Variants in AEBP2 observed in about 807,000 individuals in gnomAD.
AEBP2 encodes zinc finger protein AEBP2.
Under a neutral mutation model 50.8 loss-of-function variants are expected in AEBP2, and 10 were observed. That is an observed-to-expected ratio of 0.20 (90% CI 0.12 to 0.33). The LOEUF (loss-of-function observed/expected upper bound fraction) is 0.33. Among genes scored for constraint, AEBP2 ranks in the 10% least tolerant of loss-of-function variants. The pLI, the probability that AEBP2 is intolerant of heterozygous loss-of-function variation, is 1.00. For synonymous variants in AEBP2, 296 were observed against 261.3 expected, an observed-to-expected ratio of 1.13 and a Z score of -1.28; for missense variants, 570 against 688.0, an observed-to-expected ratio of 0.83 and a Z score of 1.92.
At chr12:19,513,945 CTTT>C (rs558871495) in intron 6 of AEBP2, among the ~76,000 whole-genome samples, 1 of 70,414 alleles carries the variant, frequency 1.4e-5, no homozygotes, top group Admixed American at 1.5e-4. Context: ...TTATTTATTT[CTTT>C]TTTTTTTTTT....
chr12:19,470,185 G>GT (rs1948548740), intron 2 of AEBP2, among the ~76,000 whole-genome samples: 3 of 150,296 alleles, frequency 2.0e-5, no homozygotes, highest in Admixed American at 2.0e-4. Context: ...TTAAGACGGA[G>GT]TTTTGCTTTG....
rs564566535 is a variant in AEBP2, at chr12:19,453,912, C to T, written c.672-8598C>T. Among the ~76,000 whole-genome samples, 85 of 152,202 alleles carry T rather than the reference C, an allele frequency of 5.6e-4. 1 individual carries two copies. The highest frequency in any genetic ancestry group is 2.0e-3 in the African/African-American group (81 of 41,508). On this transcript the variant is annotated intron_variant, in intron 1 of 7. Transcript: ENST00000266508. ...CCACGGCTCAAGTGATTCTCCCCCCCTCGGCCTCCCAAAGTGCTGGGATTA... is the reference window on the plus strand; with the variant it reads ...CCACGGCTCAAGTGATTCTCCCCCCTTCGGCCTCCCAAAGTGCTGGGATTA...
At chr12:19,405,718 G>A (rs2095735827) in intron 1 of AEBP2, among the ~76,000 whole-genome samples, 1 of 152,132 alleles carries the variant, frequency 6.6e-6, no homozygotes, top group South Asian at 2.1e-4. Context: ...CCCTAACAGG[G>A]GTTCCTGCTT....
intron 1 of AEBP2, among the ~76,000 whole-genome samples, chr12:19,413,907 T>TTG (rs550079785): frequency 2.4e-3 from 361 of 151,994 alleles, no homozygotes; most frequent in African/African-American, 8.4e-3. Flanking sequence ...TTTTTGTTTT[T>TTG]TTTTTTGAGA....
chr12:19,450,497 T>C (rs1206488168), intron 1 of AEBP2, among the ~76,000 whole-genome samples: 1 of 145,706 alleles, frequency 6.9e-6, no homozygotes, highest in Non-Finnish European at 1.5e-5. Flanking sequence ...CAAAGAACTT[T>C]TGCTTGTGTG....
rs1948092297 is a variant in AEBP2 at position 19,447,482 on chromosome 12, C to T, written c.671+7112C>T. Among the ~76,000 whole-genome samples, 4 of 152,236 alleles carry T rather than the reference C, an allele frequency of 2.6e-5. No homozygotes were observed. The Middle Eastern group carries it at 0.01, about 388-fold the overall frequency. On this transcript the variant is annotated intron_variant, in intron 1 of 7. Coordinates refer to ENST00000266508, the MANE Select transcript of AEBP2 (RefSeq NM_153207.5). ...TAAACGTTATTTCTGAATACGTTTT[C>T]TTGAGGATTTAATTTGAACAATAGT...
At chr12:19,410,512 C>G (rs963780906) in intron 1 of AEBP2, among the ~76,000 whole-genome samples, 5 of 152,266 alleles carry the variant, frequency 3.3e-5, no homozygotes, top group African/African-American at 9.6e-5. Context: ...GATGTTTTCT[C>G]TAGCTGAGAC....
upstream of AEBP2, among the ~76,000 whole-genome samples, chr12:19,437,910 T>C (rs1391550099): frequency 6.6e-6 from 1 of 152,174 alleles, no homozygotes; most frequent in African/African-American, 2.4e-5. Flanking sequence ...GAAATGAGCA[T>C]GGAGGCTCTG....
chr12:19,450,852 AAG>A (rs1948156009), intron 1 of AEBP2, among the ~76,000 whole-genome samples: 1 of 149,172 alleles, frequency 6.7e-6, no homozygotes, highest in Non-Finnish European at 1.5e-5. Context: ...CAAAAAAAAA[AAG>A]GGTCATTTTT....
At chr12:19,416,726 C>A (rs1308255941) in intron 1 of AEBP2, among the ~76,000 whole-genome samples, 1 of 148,108 alleles carries the variant, frequency 6.8e-6, no homozygotes, top group Non-Finnish European at 1.5e-5. Flanking sequence ...TGGGTTCAAG[C>A]AATTCTCCGG....
chr12:19,466,339 T>G (rs1948473712), intron 2 of AEBP2, among the ~76,000 whole-genome samples: 1 of 152,064 alleles, frequency 6.6e-6, no homozygotes, highest in Admixed American at 6.6e-5. Context: ...GCCTGTGGTC[T>G]TAGCCACTCC....
chr12:19,497,200 C>T (rs1046570829), intron 4 of AEBP2, among the ~76,000 whole-genome samples: 2 of 151,376 alleles, frequency 1.3e-5, no homozygotes, highest in African/African-American at 4.8e-5. Context: ...GATGCATCTC[C>T]TAAGAATAAA....
At position 19,439,790 on chromosome 12, in the gene AEBP2, G is replaced by C; in HGVS notation, c.91G>C (p.Gly31Arg). 1 of 1,515,394 alleles carries C rather than the reference G, an allele frequency of 6.6e-7. No homozygotes were observed. The highest frequency in any genetic ancestry group is 8.8e-7 in the Non-Finnish European group (1 of 1,138,468). 93.9% of individuals were successfully genotyped at this position (1,515,394 alleles called of 1,614,324 possible). A position where few individuals can be genotyped will look rare whatever the true frequency, so the allele number is the denominator to read the frequency against. Residue 31 changes from glycine (G) to arginine (R), a missense_variant, in exon 1 of 8, where the codon GGC becomes CGC. Physicochemically the swap from Gly to Arg is moderately radical, Grantham distance 125. This residue lies in a region of AEBP2 where 386 missense variants were observed against 336.8 expected (regional missense o/e 1.15). Coordinates refer to ENST00000266508, the MANE Select transcript of AEBP2 (RefSeq NM_153207.5). Reference sequence around the variant, plus strand: ...CGGCAGCCCGGGTTCGGCGGCGCGGGGCCGGGCTGAGCCCCCCGAGGAGGA... The same window carrying C: ...CGGCAGCCCGGGTTCGGCGGCGCGGCGCCGGGCTGAGCCCCCCGAGGAGGA... ...PPGSPGSAAR[G>R]RAEPPEEEEE...
At chr12:19,453,839 G>T (rs1241116641) in intron 1 of AEBP2, among the ~76,000 whole-genome samples, 1 of 151,360 alleles carries the variant, frequency 6.6e-6, no homozygotes, top group Non-Finnish European at 1.5e-5. Context: ...TGTCACCCGG[G>T]CTGGAGTGCG....
At chr12:19,494,012 G>T (rs575877211) in intron 4 of AEBP2, 26 bp downstream of exon 4, 27 of 286,260 alleles carry the variant, frequency 9.4e-5, no homozygotes, top group African/African-American at 5.5e-4. Context: ...AGAAAATCTG[G>T]TGTATTTCAT....
At chr12:19,514,556 G>A in intron 6 of AEBP2, 115 bp from the exon 7 acceptor site, 1 of 683,340 alleles carries the variant, frequency 1.5e-6, no homozygotes, top group Non-Finnish European at 2.3e-6. Context: ...TGGGAAACTT[G>A]TTCACTTAAC....
chr12:19,407,909 G>A (rs890143201), intron 1 of AEBP2, among the ~76,000 whole-genome samples: 9 of 151,838 alleles, frequency 5.9e-5, no homozygotes, highest in South Asian at 2.1e-4. Context: ...AACTTATCCC[G>A]GCTAGGTGGT....
At chr12:19,495,547 C>CTTTTTTTTTTTTTTTTTTTTTTTTT (rs35060511) in intron 4 of AEBP2, among the ~76,000 whole-genome samples, 1 of 141,046 alleles carries the variant, frequency 7.1e-6, no homozygotes, top group Non-Finnish European at 1.5e-5. Flanking sequence ...TTCATTCTTG[C>CTTTTTTTTTTTTTTTTTTTTTTTTT]TTTTTTTTTT....
intron 5 of AEBP2, among the ~76,000 whole-genome samples, chr12:19,502,431 G>A (rs1027725347): frequency 1.3e-5 from 2 of 152,072 alleles, no homozygotes; most frequent in African/African-American, 4.8e-5. Flanking sequence ...ACCATGCCCG[G>A]CCTATCTTGA....
Sources: gnomAD v4.1 joint callset for allele counts (sites outside exome capture counted in the v4.1 genomes callset) on GRCh38, gnomAD v4.1.1 for gene constraint, gnomAD v4.1.1 regional missense constraint, MANE v1.5 for transcripts, NCBI Gene and HGNC (gene_info 2026-07-23, HGNC 2026-07-21) for gene names.